The following ANKS1B variants were observed in gnomAD, a reference collection of about 807,000 sequenced individuals.
The protein encoded by ANKS1B is ankyrin repeat and sterile alpha motif domain containing 1B, also known as ankyrin repeat and sterile alpha motif domain-containing protein 1B.
In ANKS1B, 36 loss-of-function variants were observed where a neutral mutation model predicts 148.3. The ratio of observed to expected loss-of-function variants is 0.24; its 90% CI spans 0.19 to 0.32. ANKS1B has a LOEUF of 0.32. Ranked by LOEUF, ANKS1B falls within the 10% of genes least tolerant of loss-of-function variation. ANKS1B has a pLI of 1.00. For missense variants in ANKS1B, 1,157 were observed against 1,542.6 expected (o/e 0.75, Z 4.19); for synonymous variants, 542 against 560.8 (o/e 0.97, Z 0.47).
intron 15 of ANKS1B, among the ~76,000 whole-genome samples, chr12:99,146,438 G>C (rs1254380505): frequency 6.6e-6 from 1 of 152,126 alleles, no homozygotes; most frequent in Non-Finnish European, 1.5e-5. Context: ...ACAATGATAC[G>C]CAATTAGGTG....
chr12:99,506,632 C>T (rs937409462), intron 9 of ANKS1B, among the ~76,000 whole-genome samples: 3 of 151,866 alleles, frequency 2.0e-5, no homozygotes, highest in Non-Finnish European at 2.9e-5. Flanking sequence ...TCAACTATCC[C>T]ACAAAGGGGG....
chr12:99,161,264 C>A (rs1261369748), intron 14 of ANKS1B, among the ~76,000 whole-genome samples: 1 of 152,146 alleles, frequency 6.6e-6, no homozygotes, highest in African/African-American at 2.4e-5. Context: ...GGAGGTTACA[C>A]AGTGGCTCAT....
chr12:99,385,621 T>C (rs887420883), intron 12 of ANKS1B, among the ~76,000 whole-genome samples: 1 of 152,202 alleles, frequency 6.6e-6, no homozygotes, highest in East Asian at 1.9e-4. Context: ...AACAAACATG[T>C]TGTTAGTAGC....
intron 17 of ANKS1B, among the ~76,000 whole-genome samples, chr12:98,859,720 A>C (rs1012287354): frequency 6.6e-6 from 1 of 152,254 alleles, no homozygotes; most frequent in African/African-American, 2.4e-5. Context: ...AGGAGATATA[A>C]AAGTATAGGT....
intron 1 of ANKS1B, among the ~76,000 whole-genome samples, chr12:99,940,488 C>T (rs969293707): frequency 1.3e-5 from 2 of 152,050 alleles, no homozygotes; most frequent in East Asian, 1.9e-4. Context: ...TACCTCTATT[C>T]GCTCCTATCA....
At chr12:99,044,276 A>G (rs139788086) in intron 17 of ANKS1B, among the ~76,000 whole-genome samples, 1 of 150,224 alleles carries the variant, frequency 6.7e-6, no homozygotes, top group East Asian at 2.2e-4. Flanking sequence ...AAAGAACAAA[A>G]ATCTTCATGC....
intron 16 of ANKS1B, among the ~76,000 whole-genome samples, chr12:99,071,451 AC>A (rs1228612589): frequency 6.6e-6 from 1 of 152,234 alleles, no homozygotes; most frequent in East Asian, 1.9e-4. Flanking sequence ...GTAAATGCAC[AC>A]AGTTCTGCTT....
intron 17 of ANKS1B, among the ~76,000 whole-genome samples, chr12:98,855,678 G>A (rs1191706968): frequency 6.6e-6 from 1 of 152,140 alleles, no homozygotes; most frequent in African/African-American, 2.4e-5. Context: ...TAAAAGCTGG[G>A]ACTATACAAA....
chr12:99,636,231 A>G (rs1463507746), intron 9 of ANKS1B, among the ~76,000 whole-genome samples: 1 of 152,166 alleles, frequency 6.6e-6, no homozygotes, highest in East Asian at 1.9e-4. Context: ...ATTTTATTCA[A>G]TAAAGCCACC....
intron 1 of ANKS1B, among the ~76,000 whole-genome samples, chr12:99,926,919 C>T (rs762447084): frequency 4.6e-5 from 7 of 152,206 alleles, no homozygotes; most frequent in Admixed American, 1.3e-4. Flanking sequence ...TACCCCACCT[C>T]TGTAATTCTG....
intron 12 of ANKS1B, among the ~76,000 whole-genome samples, chr12:99,304,319 A>G (rs1036786404): frequency 1.3e-4 from 20 of 152,008 alleles, no homozygotes; most frequent in Non-Finnish European, 2.9e-4. Flanking sequence ...CTTGCAGGAG[A>G]CTGTTTTAAA....
In ANKS1B at chr12:98,848,102, C is replaced by T. The variant is rs979708317; in HGVS notation, c.2779-15966G>A. On this transcript the variant is annotated intron_variant, in intron 17 of 26. Transcript: ENST00000683438. The stretch of plus-strand genomic sequence containing the variant: ...TCATCAAATGGAAAAGTAATATCCC[C>T]ACTTGCTAATTTAATTCATCATAAT... Among the ~76,000 whole-genome samples, 83 of 152,186 alleles carry T rather than the reference C, an allele frequency of 5.5e-4. 1 individual carries two copies. The highest frequency in any genetic ancestry group is 4.6e-4 in the Admixed American group (7 of 15,282).
chr12:98,874,504 G>A (rs898701035), intron 17 of ANKS1B, among the ~76,000 whole-genome samples: 2 of 152,084 alleles, frequency 1.3e-5, no homozygotes, highest in South Asian at 2.1e-4. Context: ...GTAATAATAC[G>A]TTACAGTCAA....
chr12:99,383,634 C>A (rs1400140261), intron 12 of ANKS1B, among the ~76,000 whole-genome samples: 9 of 152,068 alleles, frequency 5.9e-5, no homozygotes, highest in Admixed American at 2.0e-4. Context: ...TTCCCCGATG[C>A]CCTTGATTAA....
intron 15 of ANKS1B, among the ~76,000 whole-genome samples, chr12:99,124,419 T>TGTGTGTGTGTGC: frequency 4.9e-5 from 1 of 20,226 alleles, no homozygotes; most frequent in African/African-American, 1.6e-4. Context: ...TTTGTGTGCA[T>TGTGTGTGTGTGC]GTGTGTGTGT....
At chr12:98,790,065 C>T (rs2098833817) in intron 22 of ANKS1B, among the ~76,000 whole-genome samples, 1 of 151,984 alleles carries the variant, frequency 6.6e-6, no homozygotes, top group South Asian at 2.1e-4. Context: ...CAGTAATGAA[C>T]GTGTATTGCT....
At chr12:99,726,204 GT>G (rs1490839324) in intron 8 of ANKS1B, among the ~76,000 whole-genome samples, 2 of 152,116 alleles carry the variant, frequency 1.3e-5, no homozygotes, top group East Asian at 3.9e-4. Context: ...CCAGCAGCTG[GT>G]TTTTTGAAAA....
chr12:99,118,726 GGATAGAA>G (rs1209189773), intron 15 of ANKS1B, among the ~76,000 whole-genome samples: 1 of 152,132 alleles, frequency 6.6e-6, no homozygotes, highest in Non-Finnish European at 1.5e-5. Flanking sequence ...CACAAAGAAA[GGATAGAA>G]GAAAATGAAT....
At chr12:99,712,744 C>T (rs1402842490) in intron 8 of ANKS1B, among the ~76,000 whole-genome samples, 3 of 152,136 alleles carry the variant, frequency 2.0e-5, no homozygotes, top group Non-Finnish European at 4.4e-5. Flanking sequence ...TAGACATTCT[C>T]ATTGGGAGAA....
Sources: gnomAD v4.1 joint callset for allele counts (sites outside exome capture counted in the v4.1 genomes callset) on GRCh38, gnomAD v4.1.1 for gene constraint, MANE v1.5 for transcripts, NCBI Gene and HGNC (gene_info 2026-07-23, HGNC 2026-07-21) for gene names.